Variants in SPOCK3 observed in about 807,000 individuals in gnomAD.
SPOCK3 encodes the protein SPARC (osteonectin), cwcv and kazal like domains proteoglycan 3.
SPOCK3 carries 30 observed loss-of-function variants against 56.6 expected under a neutral mutation model. That is an observed-to-expected ratio of 0.53 (90% CI 0.40 to 0.72). The LOEUF (loss-of-function observed/expected upper bound fraction) is 0.72. Ranked by LOEUF, SPOCK3 falls within the 30% of genes least tolerant of loss-of-function variation. The pLI is 0.00. For missense variants in SPOCK3, 527 were observed against 530.0 expected, an observed-to-expected ratio of 0.99 and a Z score of 0.06; for synonymous variants, 196 against 183.3, an observed-to-expected ratio of 1.07 and a Z score of -0.56.
chr4:166,980,917 G>A (rs548020945), intron 4 of SPOCK3, among the ~76,000 whole-genome samples: 1 of 152,174 alleles, frequency 6.6e-6, no homozygotes, highest in South Asian at 2.1e-4. Context: ...ATGGTGAGTG[G>A]GGGAGGGGGT....
At chr4:166,839,196 C>G (rs1746965662) in intron 6 of SPOCK3, among the ~76,000 whole-genome samples, 3 of 152,130 alleles carry the variant, frequency 2.0e-5, no homozygotes, top group Admixed American at 2.0e-4. Flanking sequence ...GGGCCACCAT[C>G]TCATTACTGC....
At chr4:167,005,360 C>T (rs562816586) in intron 3 of SPOCK3, among the ~76,000 whole-genome samples, 1 of 152,106 alleles carries the variant, frequency 6.6e-6, no homozygotes, top group South Asian at 2.1e-4. Flanking sequence ...CAGGCGCCCA[C>T]CACCACGCCT....
intron 2 of SPOCK3, among the ~76,000 whole-genome samples, chr4:167,174,169 T>C (rs1368299558): frequency 1.3e-5 from 2 of 152,176 alleles, no homozygotes; most frequent in East Asian, 3.9e-4. Flanking sequence ...ATAATATTAA[T>C]GTAAACAGCA....
intron 4 of SPOCK3, among the ~76,000 whole-genome samples, chr4:166,934,369 G>A (rs1032984960): frequency 2.6e-5 from 4 of 151,588 alleles, no homozygotes; most frequent in East Asian, 1.9e-4. Flanking sequence ...GTGGTGGGGG[G>A]CACCTGTAGT....
rs1737506552 is a variant in SPOCK3 at position 167,234,245 on chromosome 4, A to C, written c.1-72T>G. 3 of 1,498,304 alleles carry C rather than the reference A, an allele frequency of 2.0e-6. No individual in the cohort carries two copies. In the East Asian group the frequency reaches 6.9e-5, roughly 34 times the overall value. 92.8% of individuals were successfully genotyped at this position (1,498,304 alleles called of 1,614,324 possible). A position where few individuals can be genotyped will look rare whatever the true frequency, so the allele number is the denominator to read the frequency against. On this transcript the variant is annotated intron_variant, in intron 1 of 10. Coordinates refer to ENST00000357545, the MANE Select transcript of SPOCK3 (RefSeq NM_001040159.2). ...AATAAGGGGTACGAAGCCAGGAGCG[A>C]CCCTGGAAAACATGCATTAGCAACG...
intron 6 of SPOCK3, among the ~76,000 whole-genome samples, chr4:166,868,075 C>T (rs1211769077): frequency 6.6e-6 from 1 of 151,912 alleles, no homozygotes; most frequent in South Asian, 2.1e-4. Flanking sequence ...AATTAGCTAA[C>T]TGCAAACCAC....
intron 3 of SPOCK3, among the ~76,000 whole-genome samples, chr4:167,059,132 A>C (rs1755275235): frequency 6.6e-6 from 1 of 152,120 alleles, no homozygotes; most frequent in Non-Finnish European, 1.5e-5. Flanking sequence ...AGTGGCAACA[A>C]AAGCCAAAAT....
chr4:167,090,821 A>T (rs1758638866), intron 2 of SPOCK3, among the ~76,000 whole-genome samples: 1 of 151,852 alleles, frequency 6.6e-6, no homozygotes. Flanking sequence ...TATTTTGAAA[A>T]CTATTTTACT....
intron 2 of SPOCK3, among the ~76,000 whole-genome samples, chr4:167,159,793 A>C (rs990823308): frequency 6.6e-6 from 1 of 152,180 alleles, no homozygotes; most frequent in Non-Finnish European, 1.5e-5. Context: ...CAAAAACCAC[A>C]TGATTATCTC....
intron 8 of SPOCK3, among the ~76,000 whole-genome samples, chr4:166,743,785 G>A (rs2168401): frequency 0.79 from 120,200 of 152,134 alleles, 47,740 homozygotes; most frequent in South Asian, 0.82. Flanking sequence ...GGTCTTAGCA[G>A]ATGGCACACC....
chr4:167,188,612 C>A (rs1732217421), intron 2 of SPOCK3, among the ~76,000 whole-genome samples: 1 of 143,918 alleles, frequency 6.9e-6, no homozygotes, highest in Admixed American at 7.2e-5. Flanking sequence ...AAATTTGAGC[C>A]CCAAATAAGC....
At chr4:166,780,990 A>G (rs1232520321) in intron 7 of SPOCK3, among the ~76,000 whole-genome samples, 1 of 152,166 alleles carries the variant, frequency 6.6e-6, no homozygotes, top group Non-Finnish European at 1.5e-5. Context: ...TGCACTGAGG[A>G]TAACAAGAAA....
At chr4:166,883,836 A>T (rs1733917704) in intron 6 of SPOCK3, among the ~76,000 whole-genome samples, 1 of 152,234 alleles carries the variant, frequency 6.6e-6, no homozygotes, top group Non-Finnish European at 1.5e-5. Context: ...TAAAGAATTT[A>T]AGAAAATTTA....
At chr4:166,817,592 C>G (rs113195837) in intron 6 of SPOCK3, among the ~76,000 whole-genome samples, 4 of 151,946 alleles carry the variant, frequency 2.6e-5, no homozygotes, top group Non-Finnish European at 5.9e-5. Context: ...TCCACTGCTG[C>G]GTGTCCCCTG....
intron 2 of SPOCK3, among the ~76,000 whole-genome samples, chr4:167,155,015 C>A (rs1383740042): frequency 6.6e-6 from 1 of 152,028 alleles, no homozygotes; most frequent in East Asian, 1.9e-4. Context: ...TGTGTTAAAT[C>A]ATTCATCCAA....
chr4:166,909,644 A>G (rs1459071034), intron 5 of SPOCK3, among the ~76,000 whole-genome samples: 1 of 152,116 alleles, frequency 6.6e-6, no homozygotes, highest in Admixed American at 6.6e-5. Context: ...GACTCATCAT[A>G]TCTGGCTTCT....
intron 2 of SPOCK3, among the ~76,000 whole-genome samples, chr4:167,220,827 T>C (rs1289747887): frequency 6.6e-6 from 1 of 152,158 alleles, no homozygotes; most frequent in East Asian, 1.9e-4. Context: ...CATTACTATT[T>C]GAACAGTATG....
At position 166,733,414 on chromosome 4, in the gene SPOCK3, TATAC is replaced by T. The variant is rs1733935274; in HGVS notation, c.*1503_*1506del. On this transcript the variant is annotated 3_prime_UTR_variant, in exon 11 of 11. Coordinates refer to ENST00000357545, the MANE Select transcript of SPOCK3 (RefSeq NM_001040159.2). ...TTACAAGATTCTTTATTTTGTAAACTATACATAAACAGTAAAAAAGAAAATGCAT... is the reference window on the plus strand; with the variant it reads ...TTACAAGATTCTTTATTTTGTAAACTATAAACAGTAAAAAAGAAAATGCAT... 1 of 151,854 alleles carries T rather than the reference TATAC, an allele frequency of 6.6e-6. No individual in the cohort carries two copies. Among genetic ancestry groups the T allele is most frequent in the African/African-American group, 2.4e-5 (1 of 41,450 alleles). The allele number at this position is 151,854 out of a possible 1,614,324, so 9.4% of individuals were successfully genotyped here. A position where few individuals can be genotyped will look rare whatever the true frequency, so the allele number is the denominator to read the frequency against.
chr4:166,737,872 C>T (rs2126358929), intron 9 of SPOCK3, among the ~76,000 whole-genome samples: 1 of 152,258 alleles, frequency 6.6e-6, no homozygotes. Context: ...TACTAGTTCT[C>T]ACTGTGCAAA....
Sources: allele counts gnomAD v4.1 joint callset (sites outside exome capture counted in the v4.1 genomes callset), GRCh38; gene constraint gnomAD v4.1.1; transcripts MANE v1.5; gene names NCBI Gene and HGNC (gene_info 2026-07-23, HGNC 2026-07-21).